ATP8B1: variants seen among roughly 807,000 people sequenced by gnomAD.
ATP8B1 encodes the protein ATPase phospholipid transporting 8B1, also known as phospholipid-transporting ATPase IC.
Under a neutral mutation model 149.9 loss-of-function variants are expected in ATP8B1, and 80 were observed. The ratio of observed to expected loss-of-function variants is 0.53; its 90% CI spans 0.45 to 0.64. The LOEUF (loss-of-function observed/expected upper bound fraction) is 0.64. Among genes scored for constraint, ATP8B1 ranks in the 30% least tolerant of loss-of-function variants. ATP8B1 has a pLI of 0.00. For missense variants in ATP8B1, 1,247 were observed against 1,552.6 expected, an observed-to-expected ratio of 0.80 and a Z score of 3.31; for synonymous variants, 536 against 562.8, an observed-to-expected ratio of 0.95 and a Z score of 0.67.
chr18:57,793,116 C>T (rs1365498355), intron 1 of ATP8B1, among the ~76,000 whole-genome samples: 1 of 152,180 alleles, frequency 6.6e-6, no homozygotes, highest in African/African-American at 2.4e-5. Flanking sequence ...GCAATCTGAA[C>T]ACAGCCCAGC....
intron 1 of ATP8B1, among the ~76,000 whole-genome samples, chr18:57,782,898 CG>C (rs1416726234): frequency 2.1e-5 from 3 of 139,976 alleles, no homozygotes; most frequent in Non-Finnish European, 4.5e-5. Flanking sequence ...ACTGCAAACT[CG>C]CCTCCTGGGT....
Position 57,731,365 on chromosome 18 carries a change from A to G in ATP8B1, c.181+262T>C. 3 of 108,776 alleles carry G rather than the reference A, an allele frequency of 2.8e-5. 1 individual carries two copies. In the African/African-American group the frequency reaches 3.4e-4, roughly 12 times the overall value. 6.7% of individuals were successfully genotyped at this position (108,776 alleles called of 1,614,324 possible). On this transcript the variant is annotated intron_variant, in intron 2 of 27. Coordinates refer to ENST00000648908, the MANE Select transcript of ATP8B1 (RefSeq NM_001374385.1). ...TATATATATATATATATATATATAT[A>G]TATATATATACACACACTAACAAAG...
chr18:57,701,852 C>A (rs1913144487), intron 4 of ATP8B1, among the ~76,000 whole-genome samples: 1 of 151,912 alleles, frequency 6.6e-6, no homozygotes, highest in Non-Finnish European at 1.5e-5. Flanking sequence ...TGTGCCACCA[C>A]CCCCGGCTAA....
intron 2 of ATP8B1, among the ~76,000 whole-genome samples, chr18:57,707,741 T>C (rs950988487): frequency 3.3e-5 from 5 of 151,118 alleles, no homozygotes; most frequent in Non-Finnish European, 7.4e-5. Flanking sequence ...ACTTCTGACC[T>C]GGTGATCCAC....
chr18:57,740,316 CTG>C (rs2079899525), intron 1 of ATP8B1, among the ~76,000 whole-genome samples: 1 of 151,854 alleles, frequency 6.6e-6, no homozygotes, highest in African/African-American at 2.4e-5. Context: ...TTTCCGAAAT[CTG>C]TTTTTCCTCA....
chr18:57,738,594 G>C (rs370759402), intron 1 of ATP8B1, among the ~76,000 whole-genome samples: 1 of 151,722 alleles, frequency 6.6e-6, no homozygotes, highest in Non-Finnish European at 1.5e-5. Context: ...ACTCCAGCCT[G>C]GGCAACAAGA....
At chr18:57,709,183 C>CATA (rs1913568805) in intron 2 of ATP8B1, among the ~76,000 whole-genome samples, 1 of 152,172 alleles carries the variant, frequency 6.6e-6, no homozygotes, top group African/African-American at 2.4e-5. Flanking sequence ...ACTCTTTATT[C>CATA]ATCTATGAGT....
chr18:57,711,289 A>G (rs1327836649), intron 2 of ATP8B1, among the ~76,000 whole-genome samples: 1 of 152,242 alleles, frequency 6.6e-6, no homozygotes, highest in Non-Finnish European at 1.5e-5. Flanking sequence ...AAACACGATT[A>G]CAATGATAGC....
At chr18:57,749,899 G>GA (rs982889253) in intron 1 of ATP8B1, among the ~76,000 whole-genome samples, 3 of 151,998 alleles carry the variant, frequency 2.0e-5, no homozygotes, top group East Asian at 3.9e-4. Flanking sequence ...AAAAAGAAAG[G>GA]AAAAAAATGG....
rs758782679 is a variant in ATP8B1, at chr18:57,669,494, A to T, written c.1933-12T>A. The T allele has an allele frequency of 1.9e-6, 3 of 1,605,518 alleles. No individual in the cohort carries two copies. The highest frequency in any genetic ancestry group is 1.7e-6 in the Non-Finnish European group (2 of 1,173,434). ...TCATTTGCAAAGATCTGTTTTATTT[A>T]AAAAAATAAATCCACCAATGCAAAG... On this transcript the variant is annotated splice_polypyrimidine_tract_variant and intron_variant, in intron 17 of 27. Coordinates refer to ENST00000648908, the MANE Select transcript of ATP8B1 (RefSeq NM_001374385.1).
chr18:57,651,671 C>T (rs1163922223), intron 26 of ATP8B1, among the ~76,000 whole-genome samples: 1 of 151,436 alleles, frequency 6.6e-6, no homozygotes, highest in Non-Finnish European at 1.5e-5. Context: ...CCCGCTCTGT[C>T]ACCTGGGCTA....
intron 2 of ATP8B1, among the ~76,000 whole-genome samples, chr18:57,707,699 G>A (rs888832827): frequency 1.3e-5 from 2 of 151,414 alleles, no homozygotes; most frequent in Non-Finnish European, 2.9e-5. Context: ...AGTAGAGACG[G>A]GGTTTCACCA....
chr18:57,757,526 T>A (rs1455208192), intron 1 of ATP8B1, among the ~76,000 whole-genome samples: 1 of 152,126 alleles, frequency 6.6e-6, no homozygotes, highest in African/African-American at 2.4e-5. Context: ...CACATACATA[T>A]ACACTTATGC....
At position 57,650,405 on chromosome 18, in the gene ATP8B1, A is replaced by T. The variant is rs746761461; in HGVS notation, c.3493T>A (p.Phe1165Ile). The change falls in exon 27 of 28, where the codon TTC becomes ATC. Residue 1165 changes from phenylalanine to isoleucine, a missense_variant. Transcript: ENST00000648908. The part of the protein sequence containing the change: ...VCLLPVVAIR[F>I]LSMTIWPSES... ...GATGGCCAGATGGTCATTGACAGGAATCGAATGGCAACGACGGGTAGTAAG... is the reference window on the plus strand; with the variant it reads ...GATGGCCAGATGGTCATTGACAGGATTCGAATGGCAACGACGGGTAGTAAG... 6 of 1,613,926 alleles carry T rather than the reference A, an allele frequency of 3.7e-6. No individual in the cohort carries two copies. The highest frequency in any genetic ancestry group is 5.1e-6 in the Non-Finnish European group (6 of 1,179,856).
intron 2 of ATP8B1, among the ~76,000 whole-genome samples, chr18:57,717,618 CAAAGTTACTAGAAGAAAAGAAATAAT>C (rs1190703372): frequency 7.3e-6 from 1 of 137,858 alleles, no homozygotes; most frequent in East Asian, 2.1e-4. Flanking sequence ...AAACCAAACC[CAAAGTTACTAGAAGAAAAGAAATAAT>C]AAAGATCAAA....
chr18:57,727,964 G>T (rs983858521), intron 2 of ATP8B1, among the ~76,000 whole-genome samples: 24 of 152,140 alleles, frequency 1.6e-4, no homozygotes, highest in African/African-American at 5.8e-4. Context: ...AAAGGGTAAA[G>T]TTACTCCACT....
chr18:57,687,388 A>T (rs1270738366), intron 13 of ATP8B1, among the ~76,000 whole-genome samples: 2 of 152,144 alleles, frequency 1.3e-5, no homozygotes, highest in Non-Finnish European at 2.9e-5. Flanking sequence ...TCCTTAACCC[A>T]TTTATGCCTA....
intron 2 of ATP8B1, among the ~76,000 whole-genome samples, chr18:57,716,975 TGA>T (rs979748904): frequency 2.6e-5 from 4 of 151,296 alleles, no homozygotes; most frequent in African/African-American, 7.3e-5. Context: ...ATCAAACATC[TGA>T]CTGACCACAA....
At chr18:57,714,357 A>G (rs776781243) in intron 2 of ATP8B1, among the ~76,000 whole-genome samples, 6 of 152,064 alleles carry the variant, frequency 3.9e-5, no homozygotes, top group Admixed American at 6.6e-5. Context: ...GCCTGGGGGA[A>G]CTCACTGGCT....
Sources: allele counts gnomAD v4.1 joint callset (sites outside exome capture counted in the v4.1 genomes callset), GRCh38; gene constraint gnomAD v4.1.1; transcripts MANE v1.5; gene names NCBI Gene and HGNC (gene_info 2026-07-23, HGNC 2026-07-21).